TESK2: variants seen among roughly 807,000 people sequenced by gnomAD.
TESK2 encodes the protein testis associated actin remodelling kinase 2.
A neutral mutation model predicts 57.1 loss-of-function variants in TESK2; 39 were observed. The ratio of observed to expected loss-of-function variants is 0.68; its 90% confidence interval spans 0.53 to 0.89. The LOEUF (loss-of-function observed/expected upper bound fraction) is 0.89, where lower values mean the gene tolerates loss of function less well. Ranked by LOEUF, TESK2 falls within the 40% of genes least tolerant of loss-of-function variation. The pLI is 0.00. For synonymous variants in TESK2, 249 were observed against 267.9 expected (o/e 0.93, Z 0.69); for missense variants, 646 against 732.1 (o/e 0.88, Z 1.36).
Position 45,479,957 on chromosome 1 carries a change from G to T in TESK2, c.-87+10895C>A, listed in dbSNP as rs576092831. On this transcript the variant is annotated intron_variant, in intron 1 of 10. Coordinates refer to ENST00000372086, the MANE Select transcript of TESK2 (RefSeq NM_007170.3). ...CCTGTCTCAGCCTCCCGAGTAGCTG[G>T]AACTACAGGCGCATGCCACCACACC... Among the ~76,000 whole-genome samples the T allele has an allele frequency of 1.9e-3, 288 of 151,226 alleles. 4 individuals carry two copies. The highest frequency in any genetic ancestry group is 6.2e-3 in the African/African-American group (256 of 41,304).
intron 4 of TESK2, among the ~76,000 whole-genome samples, chr1:45,358,680 G>A (rs1647549322): frequency 6.6e-6 from 1 of 151,574 alleles, no homozygotes; most frequent in Non-Finnish European, 1.5e-5. Context: ...CATTAATAAG[G>A]TTTGAGGGTA....
intron 1 of TESK2, among the ~76,000 whole-genome samples, chr1:45,467,893 G>A (rs977449360): frequency 6.6e-6 from 1 of 151,938 alleles, no homozygotes; most frequent in African/African-American, 2.4e-5. Context: ...AAAATATTGG[G>A]TGGGATCACT....
intron 1 of TESK2, among the ~76,000 whole-genome samples, chr1:45,483,138 G>A (rs572290810): frequency 4.6e-5 from 7 of 151,124 alleles, no homozygotes; most frequent in South Asian, 2.1e-4. Flanking sequence ...AAAATTAGCC[G>A]GGCATGGTAG....
In TESK2 at chr1:45,356,605, C is replaced by T. The variant is rs375320234; in HGVS notation, c.394-1156G>A. Among the ~76,000 whole-genome samples the T allele has an allele frequency of 1.8e-4, 24 of 132,904 alleles. 1 individual carries two copies. The highest frequency in any genetic ancestry group is 1.5e-3 in the East Asian group (7 of 4,562). 87.2% of individuals were successfully genotyped at this position (132,904 alleles called of 152,430 possible). A position where few individuals can be genotyped will look rare whatever the true frequency, so the allele number is the denominator to read the frequency against. On this transcript the variant is annotated intron_variant, in intron 4 of 10. Coordinates refer to ENST00000372086, the MANE Select transcript of TESK2 (RefSeq NM_007170.3). Reference sequence around the variant, plus strand: ...ACTCCAGCCTGGGTGATAGACAGAGCGAGACCCTGTCTTAAAAAAAAAAAA... The same window carrying T: ...ACTCCAGCCTGGGTGATAGACAGAGTGAGACCCTGTCTTAAAAAAAAAAAA...
intron 5 of TESK2, among the ~76,000 whole-genome samples, chr1:45,349,346 C>T (rs1171187865): frequency 6.6e-6 from 1 of 152,178 alleles, no homozygotes; most frequent in Non-Finnish European, 1.5e-5. Context: ...AGTTCTTGTG[C>T]TTGTCCTGGC....
intron 2 of TESK2, among the ~76,000 whole-genome samples, chr1:45,440,184 T>A (rs2149293495): frequency 6.6e-6 from 1 of 152,008 alleles, no homozygotes; most frequent in South Asian, 2.1e-4. Context: ...ACTCTTGGCC[T>A]CATGTGATCT....
intron 1 of TESK2, among the ~76,000 whole-genome samples, chr1:45,462,650 T>C (rs1652381945): frequency 6.6e-6 from 1 of 152,176 alleles, no homozygotes; most frequent in African/African-American, 2.4e-5. Context: ...TTGTTGAACA[T>C]TTAGGTTGCT....
intron 3 of TESK2, chr1:45,414,959 T>TA (rs1403204852): frequency 4.2e-5 from 24 of 570,102 alleles, no homozygotes; most frequent in East Asian, 2.5e-4. Context: ...AGTAAATGAA[T>TA]AAAAAAAAGA....
chr1:45,368,259 T>C (rs1648026172), intron 4 of TESK2, among the ~76,000 whole-genome samples: 2 of 151,938 alleles, frequency 1.3e-5, no homozygotes, highest in African/African-American at 4.8e-5. Flanking sequence ...CCTCCCGAAG[T>C]GCTGGGATTA....
Position 45,431,289 on chromosome 1 carries a change from G to A in TESK2, c.223-9443C>T, listed in dbSNP as rs1342397684. Among the ~76,000 whole-genome samples the A allele has an allele frequency of 3.3e-5, 5 of 152,244 alleles. No individual in the cohort carries two copies. The East Asian group carries it at 5.8e-4, about 18-fold the overall frequency. On this transcript the variant is annotated intron_variant, in intron 2 of 10. Coordinates refer to ENST00000372086, the MANE Select transcript of TESK2 (RefSeq NM_007170.3). ...AAAAATTGGCCGGGCATGTTGGCAC[G>A]TGCCTGTAGTCCCAGCTACTCAGGA...
At chr1:45,459,041 A>ACT (rs1652230761) in intron 1 of TESK2, among the ~76,000 whole-genome samples, 1 of 152,240 alleles carries the variant, frequency 6.6e-6, no homozygotes, top group Non-Finnish European at 1.5e-5. Context: ...GCAACTCAGA[A>ACT]AAGTGGCAGG....
intron 4 of TESK2, among the ~76,000 whole-genome samples, chr1:45,362,797 T>C (rs888383248): frequency 2.0e-5 from 3 of 152,016 alleles, no homozygotes; most frequent in Admixed American, 6.6e-5. Context: ...ACCTACAATG[T>C]GAAACACAAA....
chr1:45,458,304 C>G (rs539391407), intron 1 of TESK2, among the ~76,000 whole-genome samples: 1 of 152,198 alleles, frequency 6.6e-6, no homozygotes, highest in Non-Finnish European at 1.5e-5. Context: ...GTGGCTCACG[C>G]CTGTAATCCC....
At chr1:45,420,655 C>A (rs1650434202) in intron 3 of TESK2, among the ~76,000 whole-genome samples, 2 of 148,878 alleles carry the variant, frequency 1.3e-5, no homozygotes, top group South Asian at 4.2e-4. Context: ...GCACTAGGTT[C>A]CCAGGGGGAA....
At chr1:45,452,092 GT>G (rs558580920) in intron 2 of TESK2, among the ~76,000 whole-genome samples, 3 of 148,510 alleles carry the variant, frequency 2.0e-5, no homozygotes, top group Admixed American at 1.3e-4. Context: ...ATCTAATCTG[GT>G]TTTTTTTTGG....
intron 3 of TESK2, among the ~76,000 whole-genome samples, chr1:45,404,548 A>ATTT (rs113551170): frequency 2.1e-5 from 3 of 145,306 alleles, no homozygotes; most frequent in Admixed American, 1.4e-4. Context: ...TTATTTAATT[A>ATTT]TTTTTTTTTT....
chr1:45,354,815 A>AATATATATATATATATATAT (rs199613712), intron 5 of TESK2, among the ~76,000 whole-genome samples: 2 of 40,674 alleles, frequency 4.9e-5, no homozygotes, highest in African/African-American at 2.5e-4. Context: ...AAAAAAAAAA[A>AATATATATATATATATATAT]ATATATATAT....
At chr1:45,460,179 T>A (rs1289560729) in intron 1 of TESK2, among the ~76,000 whole-genome samples, 1 of 150,860 alleles carries the variant, frequency 6.6e-6, no homozygotes, top group African/African-American at 2.4e-5. Context: ...GTAACAAACC[T>A]GCACACATAC....
intron 4 of TESK2, among the ~76,000 whole-genome samples, chr1:45,363,809 AGGCT>A (rs1199424529): frequency 1.3e-5 from 2 of 152,088 alleles, no homozygotes; most frequent in Non-Finnish European, 2.9e-5. Context: ...GACTGCAGTT[AGGCT>A]GGCTAGGATT....
Sources: gnomAD v4.1 joint callset for allele counts (sites outside exome capture counted in the v4.1 genomes callset) on GRCh38, gnomAD v4.1.1 for gene constraint, MANE v1.5 for transcripts, NCBI Gene and HGNC (gene_info 2026-07-23, HGNC 2026-07-21) for gene names.